FBXL17: variants seen among roughly 807,000 people sequenced by gnomAD.
FBXL17 encodes F-box/LRR-repeat protein 17.
A neutral mutation model predicts 66.2 loss-of-function variants in FBXL17; 22 were observed. The observed-to-expected ratio is 0.33, with a 90% CI of 0.24 to 0.47. The LOEUF is 0.47. FBXL17 is among the 20% of genes least tolerant of loss of function. The pLI is 1.00. For synonymous variants in FBXL17, 474 were observed against 400.5 expected (o/e 1.18, Z -2.19); for missense variants, 878 against 948.2 (o/e 0.93, Z 0.97).
At chr5:107,981,284 A>G (rs1460533833) in intron 7 of FBXL17, among the ~76,000 whole-genome samples, 3 of 152,246 alleles carry the variant, frequency 2.0e-5, no homozygotes, top group Non-Finnish European at 4.4e-5. Context: ...GATCCTGTTC[A>G]AAGCTAAAGG....
intron 6 of FBXL17, among the ~76,000 whole-genome samples, chr5:108,023,592 C>T (rs1343378912): frequency 7.2e-5 from 11 of 152,096 alleles, no homozygotes; most frequent in Admixed American, 7.2e-4. Flanking sequence ...CTATCCTTTT[C>T]TCCTGAAACT....
intron 5 of FBXL17, among the ~76,000 whole-genome samples, chr5:108,206,151 A>G (rs919201533): frequency 2.0e-5 from 3 of 152,176 alleles, no homozygotes; most frequent in African/African-American, 4.8e-5. Flanking sequence ...AGATAACTGC[A>G]AAATTATAAT....
intron 3 of FBXL17, among the ~76,000 whole-genome samples, chr5:108,355,085 G>T (rs1747892797): frequency 6.6e-6 from 1 of 151,876 alleles, no homozygotes; most frequent in South Asian, 2.1e-4. Flanking sequence ...AAGAAAGAAT[G>T]CATCAGAGAA....
At chr5:108,023,054 A>G (rs1754660366) in intron 6 of FBXL17, among the ~76,000 whole-genome samples, 1 of 152,142 alleles carries the variant, frequency 6.6e-6, no homozygotes, top group African/African-American at 2.4e-5. Flanking sequence ...TGTCTTTCAG[A>G]TAAAAAAGGG....
At chr5:108,139,220 T>C (rs960191192) in intron 6 of FBXL17, among the ~76,000 whole-genome samples, 5 of 152,192 alleles carry the variant, frequency 3.3e-5, no homozygotes, top group African/African-American at 9.6e-5. Context: ...TTACAGTGTT[T>C]AAGTAACGGA....
intron 6 of FBXL17, among the ~76,000 whole-genome samples, chr5:108,100,270 G>A (rs1328179212): frequency 6.6e-6 from 1 of 152,026 alleles, no homozygotes; most frequent in Admixed American, 6.6e-5. Context: ...GAAACCATCA[G>A]TCTGAACCAT....
At chr5:108,291,861 T>C (rs906037290) in intron 4 of FBXL17, among the ~76,000 whole-genome samples, 6 of 152,138 alleles carry the variant, frequency 3.9e-5, no homozygotes, top group Admixed American at 1.3e-4. Flanking sequence ...CAATGCACAA[T>C]TAATCATCAA....
chr5:107,893,908 C>A (rs1288551865), intron 7 of FBXL17, among the ~76,000 whole-genome samples: 1 of 152,144 alleles, frequency 6.6e-6, no homozygotes, highest in Non-Finnish European at 1.5e-5. Context: ...AATTAACTAA[C>A]CATTTGTATG....
chr5:108,234,281 C>G (rs1220202232), intron 4 of FBXL17, among the ~76,000 whole-genome samples: 1 of 152,062 alleles, frequency 6.6e-6, no homozygotes, highest in African/African-American at 2.4e-5. Flanking sequence ...AGAGAATAGA[C>G]AATAAAAATA....
intron 7 of FBXL17, among the ~76,000 whole-genome samples, chr5:107,962,674 A>G (rs1474418276): frequency 2.6e-5 from 4 of 152,040 alleles, no homozygotes; most frequent in Admixed American, 2.0e-4. Flanking sequence ...GGCAAGCGTT[A>G]AAAGTTTTTT....
chr5:108,099,452 G>A (rs1365329886), intron 6 of FBXL17, among the ~76,000 whole-genome samples: 2 of 152,176 alleles, frequency 1.3e-5, no homozygotes, highest in African/African-American at 4.8e-5. Flanking sequence ...TGCAGTTAGA[G>A]TTGAACACTT....
At position 108,368,066 on chromosome 5, in the gene FBXL17, A is replaced by C; in HGVS notation, c.994-113T>G. On this transcript the variant is annotated intron_variant, in intron 1 of 8. Transcript: ENST00000542267. Reference sequence around the variant, plus strand: ...TTGTAAAAAGAAAACCTTCTTGAATAAAAGAGGCCATTATTGTAAGTCACC... The same window carrying C: ...TTGTAAAAAGAAAACCTTCTTGAATCAAAGAGGCCATTATTGTAAGTCACC... The C allele has an allele frequency of 8.1e-6, 8 of 992,350 alleles. No individual in the cohort carries two copies. The South Asian group carries it at 1.1e-4, about 13-fold the overall frequency. 61.5% of individuals were successfully genotyped at this position (992,350 alleles called of 1,614,324 possible).
At chr5:107,920,883 C>T (rs369815554) in intron 7 of FBXL17, among the ~76,000 whole-genome samples, 9 of 152,088 alleles carry the variant, frequency 5.9e-5, no homozygotes, top group Admixed American at 1.3e-4. Context: ...CCTTAAAAGC[C>T]GTGAAAATTG....
intron 7 of FBXL17, among the ~76,000 whole-genome samples, chr5:107,914,316 C>T (rs948133683): frequency 1.6e-4 from 24 of 152,100 alleles, no homozygotes; most frequent in African/African-American, 5.8e-4. Context: ...TGCAATATCC[C>T]TACCTGGAAA....
chr5:108,126,652 TATATATATATA>T (rs1750719948), intron 6 of FBXL17, among the ~76,000 whole-genome samples: 11 of 116,428 alleles, frequency 9.4e-5, no homozygotes, highest in African/African-American at 4.1e-4. Context: ...TCTCTCTCTC[TATATATATATA>T]CATATATATA....
chr5:108,083,896 G>C (rs757722419), intron 6 of FBXL17, among the ~76,000 whole-genome samples: 1 of 152,162 alleles, frequency 6.6e-6, no homozygotes, highest in Non-Finnish European at 1.5e-5. Context: ...CTTGGAGACT[G>C]GTGCTCAGCA....
In FBXL17 at chr5:108,381,800, C is replaced by A. The variant is rs989805958; in HGVS notation, c.-109G>T. On this transcript the variant is annotated 5_prime_UTR_variant, in exon 1 of 9. Transcript: ENST00000542267. The stretch of plus-strand genomic sequence containing the variant: ...GCTGGCTCGGCCCCCGGAGGGGTCG[C>A]CCTTCCTGCGCACACACACGCACAC... 8.1e-6 allele frequency: 11 copies of A among 1,353,370 alleles called. No individual in the cohort carries two copies. The highest frequency in any genetic ancestry group is 3.9e-5 in the Admixed American group (1 of 25,518). The allele number at this position is 1,353,370 out of a possible 1,614,324, so 83.8% of individuals were successfully genotyped here. A position where few individuals can be genotyped will look rare whatever the true frequency, so the allele number is the denominator to read the frequency against.
chr5:108,156,111 A>G (rs1380817892), intron 6 of FBXL17, among the ~76,000 whole-genome samples: 1 of 152,168 alleles, frequency 6.6e-6, no homozygotes, highest in Non-Finnish European at 1.5e-5. Flanking sequence ...AATATTTGCT[A>G]TAACCCTAAT....
At chr5:108,104,099 G>A (rs565347985) in intron 6 of FBXL17, among the ~76,000 whole-genome samples, 3 of 152,164 alleles carry the variant, frequency 2.0e-5, no homozygotes, top group South Asian at 4.2e-4. Flanking sequence ...GCAGTGGCGC[G>A]ATCTTGGCTC....
Sources: gnomAD v4.1 joint callset for allele counts (sites outside exome capture counted in the v4.1 genomes callset) on GRCh38, gnomAD v4.1.1 for gene constraint, MANE v1.5 for transcripts, NCBI Gene and HGNC (gene_info 2026-07-23, HGNC 2026-07-21) for gene names.